The following USP40 variants were observed in gnomAD, a reference collection of about 807,000 sequenced individuals.
USP40 encodes the protein ubiquitin specific peptidase 40, also known as ubiquitin carboxyl-terminal hydrolase 40.
USP40 carries 143 observed loss-of-function variants against 166.2 expected under a neutral mutation model. That is an observed-to-expected ratio of 0.86 (90% confidence interval 0.75 to 0.99). The LOEUF (loss-of-function observed/expected upper bound fraction) is 0.99, where lower values mean the gene tolerates loss of function less well. Among genes scored for constraint, USP40 ranks in the 50% least tolerant of loss-of-function variants. The pLI, the probability that USP40 is intolerant of heterozygous loss-of-function variation, is 0.00. For synonymous variants in USP40, 498 were observed against 524.0 expected (o/e 0.95, Z 0.68); for missense variants, 1,444 against 1,479.7 (o/e 0.98, Z 0.40).
intron 2 of USP40, among the ~76,000 whole-genome samples, chr2:233,565,124 A>G (rs533065613): frequency 6.6e-6 from 1 of 152,288 alleles, no homozygotes; most frequent in South Asian, 2.1e-4. Context: ...AAAGAAATAT[A>G]TTGCTTTATT....
At chr2:233,523,096 C>T in intron 16 of USP40, 74 bp downstream of exon 16, 1 of 1,437,170 alleles carries the variant, frequency 7.0e-7, no homozygotes, top group East Asian at 2.3e-5. Context: ...TAAAATAAAG[C>T]TTTAGAGTTC....
At chr2:233,529,877 A>G (rs1303749056) in intron 11 of USP40, among the ~76,000 whole-genome samples, 1 of 136,998 alleles carries the variant, frequency 7.3e-6, no homozygotes, top group Non-Finnish European at 1.5e-5. Flanking sequence ...GCGCAATCTT[A>G]GCTCACTCTG....
At chr2:233,561,434 C>A (rs970513991) in intron 3 of USP40, among the ~76,000 whole-genome samples, 1 of 150,950 alleles carries the variant, frequency 6.6e-6, no homozygotes, top group African/African-American at 2.4e-5. Flanking sequence ...ACTATCTGAT[C>A]TTTGACAAAC....
chr2:233,533,593 T>C lies in USP40; in HGVS notation c.1357A>G (p.Asn453Asp), dbSNP rs1190088035. ...SISCPHWFDI[N>D]DSKVQPIREK... ...CTGATTGGCTGGACTTTAGAATCATTTATATCAAACCAGTGGGGACAGGAG... is the reference window on the plus strand; with the variant it reads ...CTGATTGGCTGGACTTTAGAATCATCTATATCAAACCAGTGGGGACAGGAG... The change falls in exon 11 of 32, where the codon AAT becomes GAT. Residue 453 changes from asparagine to aspartate, a missense_variant. Asn to Asp is a conservative substitution (Grantham distance 23). Transcript: ENST00000678225. The C allele has an allele frequency of 6.2e-7, 1 of 1,613,760 alleles. No individual in the cohort carries two copies. Among genetic ancestry groups the C allele is most frequent in the African/African-American group, 1.3e-5 (1 of 74,916 alleles).
chr2:233,566,672 A>T lies in USP40; in HGVS notation c.-20+12T>A. Reference sequence around the variant, plus strand: ...GTCCCTCCCAGGATCCCCGGGCGCCAGCCGCACTTACTGCCTAAAGCCCAG... The same window carrying T: ...GTCCCTCCCAGGATCCCCGGGCGCCTGCCGCACTTACTGCCTAAAGCCCAG... On this transcript the variant is annotated intron_variant, in intron 1 of 31. Transcript: ENST00000678225. 3.0e-6 allele frequency: 3 copies of T among 985,956 alleles called. No individual in the cohort carries two copies. Among genetic ancestry groups the T allele is most frequent in the Non-Finnish European group, 3.6e-6 (3 of 830,038 alleles). 61.1% of individuals were successfully genotyped at this position (985,956 alleles called of 1,614,324 possible). A position where few individuals can be genotyped will look rare whatever the true frequency, so the allele number is the denominator to read the frequency against.
At chr2:233,482,672 C>T (rs1203204383) in intron 30 of USP40, among the ~76,000 whole-genome samples, 1 of 150,546 alleles carries the variant, frequency 6.6e-6, no homozygotes, top group East Asian at 2.0e-4. Flanking sequence ...CTCACTACAA[C>T]CTCCACCTCC....
At chr2:233,510,243 CAA>C (rs955495399) in intron 20 of USP40, 108 bp from the exon 21 acceptor site, 1 of 727,712 alleles carries the variant, frequency 1.4e-6, no homozygotes, top group Admixed American at 2.9e-5. Flanking sequence ...GAAACTTTAA[CAA>C]AAAATCTCAA....
chr2:233,557,724 T>A (rs1329726066), intron 4 of USP40, among the ~76,000 whole-genome samples: 1 of 152,076 alleles, frequency 6.6e-6, no homozygotes, highest in Non-Finnish European at 1.5e-5. Context: ...CTCCTTCTGC[T>A]GAGAACAGAG....
At chr2:233,544,045 C>T (rs959924599) in intron 8 of USP40, among the ~76,000 whole-genome samples, 47 of 152,138 alleles carry the variant, frequency 3.1e-4, no homozygotes, top group Non-Finnish European at 5.1e-4. Flanking sequence ...GACTCAGTCC[C>T]GTAAGACTGT....
chr2:233,506,740 C>CAAAAAAAAA (rs1227656570), intron 21 of USP40, among the ~76,000 whole-genome samples: 109 of 53,262 alleles, frequency 2.0e-3, no homozygotes, highest in African/African-American at 3.3e-3. Context: ...ACCGAAAATA[C>CAAAAAAAAA]AAAAAAAAAA....
At chr2:233,505,159 T>A (rs1407013966) in intron 21 of USP40, among the ~76,000 whole-genome samples, 1 of 151,914 alleles carries the variant, frequency 6.6e-6, no homozygotes, top group Non-Finnish European at 1.5e-5. Flanking sequence ...AATAGAAACA[T>A]ATTATACCAA....
rs2065148589 is a variant in USP40 at position 233,489,269 on chromosome 2, C to T, written c.3131+96G>A. 4 of 1,196,912 alleles carry T rather than the reference C, an allele frequency of 3.3e-6. No homozygotes were observed. In the Admixed American group the frequency reaches 8.0e-5, roughly 24 times the overall value. 74.1% of individuals were successfully genotyped at this position (1,196,912 alleles called of 1,614,324 possible). On this transcript the variant is annotated intron_variant, in intron 27 of 31. Transcript: ENST00000678225. ...CATGACCAGGAATGGGCTTTGTTGT[C>T]ACTCAGCTCAGAAGACTGATTCCTC...
At chr2:233,534,842 T>G (rs190761969) in intron 10 of USP40, among the ~76,000 whole-genome samples, 1 of 152,354 alleles carries the variant, frequency 6.6e-6, no homozygotes, top group South Asian at 2.1e-4. Flanking sequence ...GAATTAACTC[T>G]TTTAAGCCTC....
chr2:233,550,344 T>C (rs898777599), intron 7 of USP40, among the ~76,000 whole-genome samples: 23 of 152,094 alleles, frequency 1.5e-4, no homozygotes, highest in Non-Finnish European at 4.4e-5. Flanking sequence ...TTTTGTTACA[T>C]CAAAGTATGT....
At position 233,493,534 on chromosome 2, in the gene USP40, G is replaced by A. The variant is rs746711122; in HGVS notation, c.2808C>T (p.Pro936=). The part of the protein sequence containing the change: ...QLPPLGFLKV[P]IWWYQLQGPS... ...GACCCTGAAGCTGGTACCACCAGAT[G>A]GGCACCTTCAGGAAACCCTGAAGAA... Residue 936 remains proline (P), a synonymous_variant, in exon 25 of 32, where the codon CCC becomes CCT. Transcript: ENST00000678225. This position sits in a 1 kb window ranked among gnomAD's most constrained non-coding sequence, Gnocchi z 4.7. 1.2e-6 allele frequency: 2 copies of A among 1,612,784 alleles called. No individual in the cohort carries two copies. Among genetic ancestry groups the A allele is most frequent in the East Asian group, 2.2e-5 (1 of 44,866 alleles).
intron 17 of USP40, among the ~76,000 whole-genome samples, 159 bp downstream of exon 17, chr2:233,520,832 T>C (rs2067602210): frequency 6.6e-6 from 1 of 150,810 alleles, no homozygotes; most frequent in African/African-American, 2.5e-5. Flanking sequence ...AGGGCTAACA[T>C]AGGTAAACAA....
At chr2:233,522,394 C>T (rs1430211100) in intron 16 of USP40, among the ~76,000 whole-genome samples, 1 of 152,042 alleles carries the variant, frequency 6.6e-6, no homozygotes, top group Non-Finnish European at 1.5e-5. Context: ...CTGCAAAACC[C>T]CTGTCCAAAA....
chr2:233,551,283 G>T (rs1026128154), intron 7 of USP40, 93 bp downstream of exon 7: 1 of 1,344,810 alleles, frequency 7.4e-7, no homozygotes, highest in Non-Finnish European at 1.0e-6. Context: ...AAGGTTTAGA[G>T]ATTCTCACAA....
intron 5 of USP40, among the ~76,000 whole-genome samples, chr2:233,555,670 T>C (rs962688424): frequency 6.8e-6 from 1 of 146,010 alleles, no homozygotes; most frequent in Admixed American, 6.9e-5. Context: ...GGAGCCTTGC[T>C]CTGCCACCAG....
Sources: gnomAD v4.1 joint callset for allele counts (sites outside exome capture counted in the v4.1 genomes callset) on GRCh38, gnomAD v4.1.1 for gene constraint, Gnocchi (gnomAD v3.1) non-coding constraint, MANE v1.5 for transcripts, NCBI Gene and HGNC (gene_info 2026-07-23, HGNC 2026-07-21) for gene names.